Variants in ADAMTS12 observed in about 807,000 individuals in gnomAD.
ADAMTS12 encodes the protein A disintegrin and metalloproteinase with thrombospondin motifs 12.
Under a neutral mutation model 167.8 loss-of-function variants are expected in ADAMTS12, and 118 were observed. That is an observed-to-expected ratio of 0.70 (90% confidence interval 0.61 to 0.82). The LOEUF is 0.82. Among genes scored for constraint, ADAMTS12 ranks in the 40% least tolerant of loss-of-function variants. The pLI, the probability that ADAMTS12 is intolerant of heterozygous loss-of-function variation, is 0.00. For synonymous variants in ADAMTS12, 704 were observed against 716.9 expected (o/e 0.98, Z 0.29); for missense variants, 1,916 against 1,998.8 (o/e 0.96, Z 0.79).
At chr5:33,663,539 A>G (rs532695022) in intron 5 of ADAMTS12, among the ~76,000 whole-genome samples, 1 of 152,350 alleles carries the variant, frequency 6.6e-6, no homozygotes, top group East Asian at 1.9e-4. Context: ...TTTTAATTGC[A>G]TCTACTCAGT....
At chr5:33,760,784 C>T (rs1745324139) in intron 2 of ADAMTS12, among the ~76,000 whole-genome samples, 2 of 152,038 alleles carry the variant, frequency 1.3e-5, no homozygotes, top group South Asian at 4.1e-4. Context: ...AAGAGGAATG[C>T]CAGAGTTTTC....
intron 16 of ADAMTS12, among the ~76,000 whole-genome samples, chr5:33,611,802 T>G (rs2112085627): frequency 6.6e-6 from 1 of 152,332 alleles, no homozygotes; most frequent in Middle Eastern, 3.4e-3. Context: ...AAAGTATCCG[T>G]ATTGTGATAA....
chr5:33,859,277 A>T (rs1749517555), intron 2 of ADAMTS12, among the ~76,000 whole-genome samples: 1 of 152,240 alleles, frequency 6.6e-6, no homozygotes, highest in Admixed American at 6.5e-5. Flanking sequence ...TCTCGCTGCC[A>T]GCACAGCAGT....
rs377084884 is a variant in ADAMTS12 at position 33,577,094 on chromosome 5, G to A, written c.2932C>T (p.Pro978Ser). 1.9e-6 allele frequency: 3 copies of A among 1,614,162 alleles called. No homozygotes were observed. The South Asian group carries it at 3.3e-5, about 18-fold the overall frequency. Residue 978 changes from proline (P) to serine (S), a missense_variant, in exon 19 of 24, where the codon CCT becomes TCT. Pro to Ser is a moderately conservative substitution (Grantham distance 74, BLOSUM62 -1). Transcript: ENST00000504830. ...SVTCAKNHDEPCDVTRKPNSR... is the reference protein window; with the variant it reads ...SVTCAKNHDESCDVTRKPNSR... The stretch of plus-strand genomic sequence containing the variant: ...TTGGGTTTCCTTGTCACATCGCAAG[G>A]TTCATCATGGTTCTTGGCACATGTG...
chr5:33,654,927 C>T (rs1740998470), intron 7 of ADAMTS12, among the ~76,000 whole-genome samples: 1 of 140,248 alleles, frequency 7.1e-6, no homozygotes, highest in African/African-American at 2.7e-5. Flanking sequence ...CAGGTTGTTG[C>T]CATCATCAGT....
intron 5 of ADAMTS12, among the ~76,000 whole-genome samples, chr5:33,670,342 C>T (rs1242815915): frequency 6.6e-6 from 1 of 152,174 alleles, no homozygotes; most frequent in Admixed American, 6.5e-5. Flanking sequence ...ATCATGACAA[C>T]ACCCAAATGC....
intron 3 of ADAMTS12, among the ~76,000 whole-genome samples, chr5:33,719,857 T>C (rs1052333154): frequency 1.3e-5 from 2 of 152,154 alleles, no homozygotes; most frequent in African/African-American, 2.4e-5. Context: ...CATAGCCTAA[T>C]ACAAAGAAAA....
In ADAMTS12 at chr5:33,637,738, A is replaced by C. The variant is rs1740264478; in HGVS notation, c.1727T>G (p.Phe576Cys). The C allele has an allele frequency of 6.2e-7, 1 of 1,612,362 alleles. No homozygotes were observed. Among genetic ancestry groups the C allele is most frequent in the African/African-American group, 1.3e-5 (1 of 74,840 alleles). Reference sequence around the variant, plus strand: ...TTCTCCAGTGCAATATTTCCCTCCAAACTTTGGCCTGCAAATGAAACAGAC... The same window carrying C: ...TTCTCCAGTGCAATATTTCCCTCCACACTTTGGCCTGCAAATGAAACAGAC... ...ERLCNNPEPK[F>C]GGKYCTGERK... The change falls in exon 12 of 24, where the codon TTT becomes TGT. Residue 576 changes from phenylalanine to cysteine, a missense_variant. Coordinates refer to ENST00000504830, the MANE Select transcript of ADAMTS12 (RefSeq NM_030955.4).
intron 3 of ADAMTS12, among the ~76,000 whole-genome samples, chr5:33,700,968 C>T (rs1233378334): frequency 6.6e-6 from 1 of 152,168 alleles, no homozygotes; most frequent in Non-Finnish European, 1.5e-5. Flanking sequence ...TGGTGAACTA[C>T]AACTCTGGCC....
chr5:33,751,613 G>T lies in ADAMTS12; in HGVS notation c.490-65C>A. On this transcript the variant is annotated intron_variant, in intron 2 of 23. Transcript: ENST00000504830. The stretch of plus-strand genomic sequence containing the variant: ...TCTACATACCTACTAAAAACAAAGT[G>T]AAAAATTATATAGCTTATGAGTATC... The T allele has an allele frequency of 5.9e-6, 9 of 1,522,914 alleles. No individual in the cohort carries two copies. The South Asian group carries it at 1.1e-4, about 18-fold the overall frequency. 94.3% of individuals were successfully genotyped at this position (1,522,914 alleles called of 1,614,324 possible). A position where few individuals can be genotyped will look rare whatever the true frequency, so the allele number is the denominator to read the frequency against.
intron 3 of ADAMTS12, among the ~76,000 whole-genome samples, chr5:33,735,184 C>G (rs999026196): frequency 6.6e-6 from 1 of 152,300 alleles, no homozygotes; most frequent in South Asian, 2.1e-4. Flanking sequence ...CCCGGGTCTT[C>G]TTTTCTGAAG....
intron 3 of ADAMTS12, among the ~76,000 whole-genome samples, chr5:33,736,512 A>T (rs1246485092): frequency 6.6e-6 from 1 of 152,174 alleles, no homozygotes; most frequent in Admixed American, 6.5e-5. Context: ...TGGGCTTCCA[A>T]TTCTGAAGGC....
At chr5:33,607,460 A>T (rs1738503989) in intron 16 of ADAMTS12, among the ~76,000 whole-genome samples, 1 of 152,178 alleles carries the variant, frequency 6.6e-6, no homozygotes, top group Non-Finnish European at 1.5e-5. Flanking sequence ...CTGAATAGAG[A>T]GATCTATTGT....
At chr5:33,847,312 C>A (rs1748981669) in intron 2 of ADAMTS12, among the ~76,000 whole-genome samples, 1 of 152,254 alleles carries the variant, frequency 6.6e-6, no homozygotes, top group African/African-American at 2.4e-5. Flanking sequence ...TCACTGCCCA[C>A]AGGACACTAA....
At chr5:33,848,193 G>A (rs1001686955) in intron 2 of ADAMTS12, among the ~76,000 whole-genome samples, 3 of 151,902 alleles carry the variant, frequency 2.0e-5, no homozygotes, top group African/African-American at 7.3e-5. Context: ...CTCCAGCCTG[G>A]GTAACAGAGT....
At chr5:33,547,270 G>A (rs1266498084) in intron 21 of ADAMTS12, among the ~76,000 whole-genome samples, 1 of 152,070 alleles carries the variant, frequency 6.6e-6, no homozygotes, top group Non-Finnish European at 1.5e-5. Context: ...AGCAACTTCA[G>A]CATCTTCTGA....
intron 2 of ADAMTS12, among the ~76,000 whole-genome samples, chr5:33,863,605 A>G (rs1749703182): frequency 6.6e-6 from 1 of 152,224 alleles, no homozygotes; most frequent in Non-Finnish European, 1.5e-5. Flanking sequence ...GGAAGAATCA[A>G]TATCGTGAAA....
chr5:33,692,838 GAGA>G (rs1742598748), intron 3 of ADAMTS12, among the ~76,000 whole-genome samples: 1 of 152,172 alleles, frequency 6.6e-6, no homozygotes, highest in African/African-American at 2.4e-5. Flanking sequence ...AGTATTTTCA[GAGA>G]AGTCATATAT....
At chr5:33,848,284 C>T (rs568003299) in intron 2 of ADAMTS12, among the ~76,000 whole-genome samples, 1 of 151,976 alleles carries the variant, frequency 6.6e-6, no homozygotes, top group East Asian at 1.9e-4. Context: ...CACCAGCCAC[C>T]TTGGAGTGTC....
Sources: gnomAD v4.1 joint callset for allele counts (sites outside exome capture counted in the v4.1 genomes callset) on GRCh38, gnomAD v4.1.1 for gene constraint, MANE v1.5 for transcripts, NCBI Gene and HGNC (gene_info 2026-07-23, HGNC 2026-07-21) for gene names.